The following CSMD1 variants were observed in gnomAD, a reference collection of about 807,000 sequenced individuals.
The protein encoded by CSMD1 is CUB and sushi domain-containing protein 1.
In CSMD1, 213 loss-of-function variants were observed where a neutral mutation model predicts 417.5. The observed-to-expected ratio is 0.51, with a 90% CI of 0.46 to 0.57. CSMD1 has a LOEUF of 0.57. CSMD1 is among the 20% of genes least tolerant of loss of function. The pLI is 0.00. For missense variants in CSMD1, 6,923 were observed against 4,529.7 expected (o/e 1.53, Z -15.17); for synonymous variants, 2,862 against 1,736.8 (o/e 1.65, Z -16.11).
intron 3 of CSMD1, among the ~76,000 whole-genome samples, chr8:4,095,535 A>G (rs1179079649): frequency 6.6e-6 from 1 of 152,232 alleles, no homozygotes; most frequent in Non-Finnish European, 1.5e-5. Context: ...ATCAATGTAA[A>G]CATGCAACTT....
intron 41 of CSMD1, among the ~76,000 whole-genome samples, chr8:3,132,693 T>A (rs2129027340): frequency 6.6e-6 from 1 of 152,310 alleles, no homozygotes; most frequent in East Asian, 1.9e-4. Context: ...GGCAGTTGCT[T>A]TATTACCTGA....
chr8:3,500,920 C>A (rs888683702), intron 10 of CSMD1, among the ~76,000 whole-genome samples: 2 of 152,032 alleles, frequency 1.3e-5, no homozygotes, highest in African/African-American at 4.8e-5. Flanking sequence ...AGGATTTTTT[C>A]TTTTAATGGA....
At chr8:4,703,600 G>A (rs1343598865) in intron 1 of CSMD1, among the ~76,000 whole-genome samples, 1 of 152,086 alleles carries the variant, frequency 6.6e-6, no homozygotes, top group Non-Finnish European at 1.5e-5. Flanking sequence ...TTGGTGTTAA[G>A]GAAATATTTC....
At chr8:3,338,062 A>T (rs999051228) in intron 23 of CSMD1, among the ~76,000 whole-genome samples, 8 of 152,224 alleles carry the variant, frequency 5.3e-5, no homozygotes, top group African/African-American at 1.9e-4. Context: ...AATGCCAAGC[A>T]GGCGTTGTGG....
At chr8:4,285,468 A>T (rs1038046723) in intron 3 of CSMD1, among the ~76,000 whole-genome samples, 1 of 152,216 alleles carries the variant, frequency 6.6e-6, no homozygotes, top group Non-Finnish European at 1.5e-5. Flanking sequence ...ATGAAATAAT[A>T]CAGAAAAAAA....
chr8:3,885,031 G>C (rs2129123576), intron 5 of CSMD1, among the ~76,000 whole-genome samples: 1 of 151,310 alleles, frequency 6.6e-6, no homozygotes, highest in Middle Eastern at 3.5e-3. Context: ...AATGTACCTA[G>C]TTTCTAATGG....
chr8:4,525,547 C>G (rs951735604), intron 2 of CSMD1, among the ~76,000 whole-genome samples: 1 of 152,064 alleles, frequency 6.6e-6, no homozygotes, highest in Admixed American at 6.5e-5. Flanking sequence ...TGTAGCAACC[C>G]CTAAAGGAAA....
chr8:3,943,991 T>C (rs1033655100), intron 5 of CSMD1, among the ~76,000 whole-genome samples: 1 of 152,098 alleles, frequency 6.6e-6, no homozygotes. Flanking sequence ...TGATATTAAA[T>C]CAGAGTTAAT....
chr8:3,843,022 G>T (rs184826445), intron 5 of CSMD1, among the ~76,000 whole-genome samples: 17 of 152,180 alleles, frequency 1.1e-4, no homozygotes, highest in Non-Finnish European at 1.5e-5. Context: ...GAAAAGTAAG[G>T]ATTATTAGTA....
chr8:3,768,894 T>C (rs1438307148), intron 5 of CSMD1, among the ~76,000 whole-genome samples: 1 of 152,212 alleles, frequency 6.6e-6, no homozygotes, highest in Non-Finnish European at 1.5e-5. Context: ...ACCACTTCTT[T>C]GAAGGAGGGT....
chr8:4,135,844 G>A (rs748302730), intron 3 of CSMD1, among the ~76,000 whole-genome samples: 2 of 152,010 alleles, frequency 1.3e-5, no homozygotes, highest in African/African-American at 2.4e-5. Context: ...CTACAAATTG[G>A]CATTTTTTTA....
intron 5 of CSMD1, among the ~76,000 whole-genome samples, chr8:3,952,337 T>C (rs112531799): frequency 2.5e-4 from 38 of 152,342 alleles, no homozygotes; most frequent in African/African-American, 9.1e-4. Context: ...GCCAATAGAA[T>C]AATTCAACCA....
At chr8:3,320,489 T>A (rs1222416437) in intron 23 of CSMD1, among the ~76,000 whole-genome samples, 2 of 152,202 alleles carry the variant, frequency 1.3e-5, no homozygotes, top group Admixed American at 6.5e-5. Context: ...AATACCTGAA[T>A]TTGTTGCTGC....
Position 3,772,456 on chromosome 8 carries a change from T to TAC in CSMD1, c.819-18415_819-18414insGT, listed in dbSNP as rs1217362440. Among the ~76,000 whole-genome samples, 440 of 75,850 alleles carry TAC rather than the reference T, an allele frequency of 5.8e-3. 65 individuals are homozygous for TAC. Among genetic ancestry groups the TAC allele is most frequent in the East Asian group, 8.7e-3 (27 of 3,112 alleles). The allele number at this position is 75,850 out of a possible 152,430, so 49.8% of individuals were successfully genotyped here. On this transcript the variant is annotated intron_variant, in intron 5 of 69. Transcript: ENST00000635120. ...ACATACATTTATATATACACATATA[T>TAC]ATACATATATACACATATATATACA... is the stretch of plus-strand genomic sequence containing the variant.
rs572962765 is a variant in CSMD1 at position 3,952,947 on chromosome 8, G to C, written c.818+44956C>G. On this transcript the variant is annotated intron_variant, in intron 5 of 69. Coordinates refer to ENST00000635120, the MANE Select transcript of CSMD1 (RefSeq NM_033225.6). ...TATGTCTTCATTAATGAAAAAGAAA[G>C]GAATACAAAACAACCTTCCAGAATA... Among the ~76,000 whole-genome samples the C allele has an allele frequency of 8.0e-4, 122 of 151,866 alleles. 2 individuals are homozygous for C. In the South Asian group the frequency reaches 0.014, roughly 18 times the overall value.
chr8:3,042,106 C>T (rs1052505226), intron 50 of CSMD1, among the ~76,000 whole-genome samples: 4 of 152,098 alleles, frequency 2.6e-5, no homozygotes, highest in African/African-American at 9.7e-5. Flanking sequence ...TGTTCCCAAG[C>T]CACCCAGGCA....
chr8:4,311,590 G>T (rs1036570624), intron 3 of CSMD1, among the ~76,000 whole-genome samples: 2 of 151,950 alleles, frequency 1.3e-5, no homozygotes, highest in African/African-American at 4.8e-5. Context: ...AGGTGTGGTT[G>T]TGGGCGCCTG....
chr8:3,796,431 T>TAGATATATATCTATCATGTATAG (rs1800148266), intron 5 of CSMD1, among the ~76,000 whole-genome samples: 1 of 116,440 alleles, frequency 8.6e-6, no homozygotes, highest in African/African-American at 2.9e-5. Flanking sequence ...TGTATAGATA[T>TAGATATATATCTATCATGTATAG]ATATATCTAT....
chr8:4,357,434 A>G (rs576347167), intron 3 of CSMD1, among the ~76,000 whole-genome samples: 4 of 152,178 alleles, frequency 2.6e-5, no homozygotes, highest in African/African-American at 7.2e-5. Flanking sequence ...TTAAGAGTTT[A>G]TATTTTATCA....
Sources: allele counts gnomAD v4.1 joint callset (sites outside exome capture counted in the v4.1 genomes callset), GRCh38; gene constraint gnomAD v4.1.1; transcripts MANE v1.5; gene names NCBI Gene and HGNC (gene_info 2026-07-23, HGNC 2026-07-21).